Variants in CNTN5 observed in about 807,000 individuals in gnomAD.
CNTN5 encodes contactin-5.
A neutral mutation model predicts 129.1 loss-of-function variants in CNTN5; 77 were observed. The ratio of observed to expected loss-of-function variants is 0.60; its 90% CI spans 0.50 to 0.72. The LOEUF is 0.72. Ranked by LOEUF, CNTN5 falls within the 30% of genes least tolerant of loss-of-function variation. CNTN5 has a pLI of 0.00. For missense variants in CNTN5, 1,478 were observed against 1,328.8 expected (o/e 1.11, Z -1.75); for synonymous variants, 509 against 465.6 (o/e 1.09, Z -1.20).
intron 2 of CNTN5, among the ~76,000 whole-genome samples, chr11:99,508,302 C>T (rs1191311355): frequency 6.6e-6 from 1 of 152,038 alleles, no homozygotes; most frequent in Admixed American, 6.6e-5. Context: ...TAAGCGCCTG[C>T]CTTTCCTTTT....
intron 1 of CNTN5, among the ~76,000 whole-genome samples, chr11:99,190,947 T>G (rs1324260162): frequency 6.6e-6 from 1 of 151,740 alleles, no homozygotes; most frequent in African/African-American, 2.4e-5. Flanking sequence ...GCTTTCACCT[T>G]TTCACTGTTC....
At position 99,673,463 on chromosome 11, in the gene CNTN5, A is replaced by G. The variant is rs117251009; in HGVS notation, c.55+117194A>G. Among the ~76,000 whole-genome samples, 1,138 of 152,198 alleles carry G rather than the reference A, an allele frequency of 7.5e-3. 91 individuals carry two copies. In the East Asian group the frequency reaches 0.19, roughly 25 times the overall value. ...CATTTCTCCTTTTTTAAGTTCAGGG[A>G]TATGTGTGCAGGATATGAAGGTTTG... is the stretch of plus-strand genomic sequence containing the variant. On this transcript the variant is annotated intron_variant, in intron 3 of 24. Transcript: ENST00000524871.
intron 2 of CNTN5, among the ~76,000 whole-genome samples, chr11:99,348,404 G>T (rs944377756): frequency 6.6e-6 from 1 of 152,112 alleles, no homozygotes; most frequent in Non-Finnish European, 1.5e-5. Context: ...AAACTTTAAG[G>T]CCTAGAACAT....
chr11:99,906,453 G>T (rs1212150318), intron 6 of CNTN5, among the ~76,000 whole-genome samples: 1 of 152,080 alleles, frequency 6.6e-6, no homozygotes, highest in Non-Finnish European at 1.5e-5. Context: ...TTATTGATTT[G>T]CATATGTTGA....
chr11:100,107,837 T>G (rs1945503052), intron 13 of CNTN5, among the ~76,000 whole-genome samples: 1 of 152,092 alleles, frequency 6.6e-6, no homozygotes, highest in Admixed American at 6.6e-5. Context: ...TTTTAACATA[T>G]AAGCCTATAT....
At chr11:100,078,875 T>TA (rs1373543102) in intron 13 of CNTN5, among the ~76,000 whole-genome samples, 12 of 152,118 alleles carry the variant, frequency 7.9e-5, no homozygotes, top group Non-Finnish European at 1.8e-4. Context: ...CCTACTCCTA[T>TA]AAAGTACTGC....
chr11:99,270,369 G>A (rs1301917584), intron 1 of CNTN5, among the ~76,000 whole-genome samples: 1 of 151,806 alleles, frequency 6.6e-6, no homozygotes, highest in East Asian at 1.9e-4. Context: ...CTGTCGTTAT[G>A]CTATAATTCT....
At chr11:99,207,989 G>A (rs1167694305) in intron 1 of CNTN5, among the ~76,000 whole-genome samples, 3 of 151,998 alleles carry the variant, frequency 2.0e-5, no homozygotes, top group Admixed American at 6.6e-5. Context: ...ATTAAATCTC[G>A]GCTTAGTTTC....
At chr11:100,262,853 G>A (rs1950230347) in intron 17 of CNTN5, among the ~76,000 whole-genome samples, 1 of 151,588 alleles carries the variant, frequency 6.6e-6, no homozygotes, top group African/African-American at 2.4e-5. Context: ...ACGGGTTGAT[G>A]GGTGCAGCAA....
intron 1 of CNTN5, among the ~76,000 whole-genome samples, chr11:99,158,026 A>T (rs1451503135): frequency 6.6e-6 from 1 of 152,020 alleles, no homozygotes; most frequent in Non-Finnish European, 1.5e-5. Flanking sequence ...ATCATCTCAC[A>T]CTCCTTGATT....
chr11:99,677,991 T>C (rs186997481), intron 3 of CNTN5, among the ~76,000 whole-genome samples: 1 of 152,168 alleles, frequency 6.6e-6, no homozygotes, highest in Non-Finnish European at 1.5e-5. Flanking sequence ...ATTATGCTTC[T>C]ACTGAAGCAC....
intron 3 of CNTN5, among the ~76,000 whole-genome samples, chr11:99,781,721 C>A (rs1382637186): frequency 6.6e-6 from 1 of 151,968 alleles, no homozygotes; most frequent in Non-Finnish European, 1.5e-5. Context: ...TGTCTGTAAG[C>A]AAGTGTTTGA....
chr11:100,267,965 T>C (rs932503092), intron 17 of CNTN5, among the ~76,000 whole-genome samples: 5 of 152,174 alleles, frequency 3.3e-5, no homozygotes, highest in Admixed American at 2.0e-4. Flanking sequence ...GTCATAAAAA[T>C]GGTCAGAATT....
chr11:99,523,649 TAGAAC>T (rs139869042), intron 2 of CNTN5, among the ~76,000 whole-genome samples: 14,467 of 116,082 alleles, frequency 0.12, 842 homozygotes, highest in African/African-American at 0.18. Flanking sequence ...TAGAATAGAA[TAGAAC>T]AGAACAGATC....
intron 17 of CNTN5, among the ~76,000 whole-genome samples, chr11:100,266,305 T>G (rs538320090): frequency 1.3e-5 from 2 of 152,220 alleles, no homozygotes; most frequent in South Asian, 2.1e-4. Context: ...CACTATAAGG[T>G]CTTCCACTGT....
chr11:100,266,319 T>C (rs1260990180), intron 17 of CNTN5, among the ~76,000 whole-genome samples: 1 of 152,142 alleles, frequency 6.6e-6, no homozygotes, highest in Non-Finnish European at 1.5e-5. Flanking sequence ...CCACTGTCTT[T>C]CGTTGCTGTC....
chr11:99,445,365 G>A (rs1360973328), intron 2 of CNTN5, among the ~76,000 whole-genome samples: 1 of 152,002 alleles, frequency 6.6e-6, no homozygotes, highest in Non-Finnish European at 1.5e-5. Context: ...AAACTTTTCA[G>A]AGCATTTATG....
intron 3 of CNTN5, among the ~76,000 whole-genome samples, chr11:99,694,309 A>T (rs1246553137): frequency 2.0e-5 from 3 of 152,106 alleles, no homozygotes; most frequent in Admixed American, 2.0e-4. Context: ...AAAATTATTT[A>T]TTTAATGTTA....
chr11:100,182,869 G>A (rs1285008654), intron 13 of CNTN5, among the ~76,000 whole-genome samples: 1 of 151,610 alleles, frequency 6.6e-6, no homozygotes, highest in Non-Finnish European at 1.5e-5. Flanking sequence ...ATAGTTGCAT[G>A]TTTCATACCT....
Sources: gnomAD v4.1 joint callset for allele counts (sites outside exome capture counted in the v4.1 genomes callset) on GRCh38, gnomAD v4.1.1 for gene constraint, MANE v1.5 for transcripts, NCBI Gene and HGNC (gene_info 2026-07-23, HGNC 2026-07-21) for gene names.